Variants in NUF2 observed in about 807,000 individuals in gnomAD.
The protein encoded by NUF2 is NUF2 component of NDC80 kinetochore complex, also known as kinetochore protein Nuf2.
Under a neutral mutation model 61.8 loss-of-function variants are expected in NUF2, and 34 were observed. The ratio of observed to expected loss-of-function variants is 0.55; its 90% CI spans 0.42 to 0.73. The LOEUF is 0.73. Among genes scored for constraint, NUF2 ranks in the 30% least tolerant of loss-of-function variants. NUF2 has a pLI of 0.00. For synonymous variants in NUF2, 172 were observed against 181.6 expected, an observed-to-expected ratio of 0.95 and a Z score of 0.42; for missense variants, 445 against 539.1, an observed-to-expected ratio of 0.83 and a Z score of 1.73.
rs578049248 is a variant in NUF2, at chr1:163,345,756, T to C, written c.886T>C (p.Tyr296His). 4.3e-6 allele frequency: 7 copies of C among 1,610,306 alleles called. No homozygotes were observed. The Admixed American group carries it at 1.0e-4, about 23-fold the overall frequency. ...LPSCQLEVQL[Y>H]QKKIQDLSDN... ...TTCATGTCAGTTGGAAGTGCAGTTA[T>C]ATCAAAAGAAAATACAGGACCTTTC... is the stretch of plus-strand genomic sequence containing the variant. Residue 296 changes from tyrosine to histidine, a missense_variant, in exon 11 of 14, where the codon TAT (tyrosine) becomes CAT (histidine). Coordinates refer to ENST00000271452, the MANE Select transcript of NUF2 (RefSeq NM_145697.3).
intron 10 of NUF2, among the ~76,000 whole-genome samples, chr1:163,345,290 A>G (rs1477734342): frequency 6.6e-6 from 1 of 152,126 alleles, no homozygotes; most frequent in Non-Finnish European, 1.5e-5. Context: ...AGAATTAGCT[A>G]TAGTAGTCGT....
intron 5 of NUF2, among the ~76,000 whole-genome samples, chr1:163,329,124 T>C (rs1650521777): frequency 6.6e-6 from 1 of 152,134 alleles, no homozygotes; most frequent in African/African-American, 2.4e-5. Flanking sequence ...CTGATGTTTT[T>C]TTAAAACTCC....
intron 13 of NUF2, among the ~76,000 whole-genome samples, chr1:163,350,244 G>A (rs1325054554): frequency 2.0e-5 from 3 of 151,620 alleles, no homozygotes; most frequent in African/African-American, 7.3e-5. Context: ...AGAGCTTGCA[G>A]TGAGCTGAGA....
In NUF2 at chr1:163,344,382, G is replaced by T. The variant is rs1341504019; in HGVS notation, c.807+512G>T. On this transcript the variant is annotated intron_variant, in intron 10 of 13. Transcript: ENST00000271452. ...AGTGCTTTGAAATAATGTAATAAGG[G>T]GAGCCCAGTTTAGTATTGGGCTGGA... Among the ~76,000 whole-genome samples, 5 of 151,778 alleles carry T rather than the reference G, an allele frequency of 3.3e-5. 1 individual carries two copies. The highest frequency in any genetic ancestry group is 1.2e-4 in the African/African-American group (5 of 41,328).
At chr1:163,324,412 A>C (rs1471158217) in intron 1 of NUF2, among the ~76,000 whole-genome samples, 2 of 152,236 alleles carry the variant, frequency 1.3e-5, no homozygotes, top group Admixed American at 6.5e-5. Context: ...CACATGTTCA[A>C]GTTGAATTGG....
At chr1:163,344,184 C>T (rs1422674412) in intron 10 of NUF2, among the ~76,000 whole-genome samples, 1 of 151,998 alleles carries the variant, frequency 6.6e-6, no homozygotes, top group Non-Finnish European at 1.5e-5. Context: ...ATTTTACAAA[C>T]AATTGTAATT....
intron 9 of NUF2, among the ~76,000 whole-genome samples, 189 bp from the exon 10 acceptor site, chr1:163,343,544 C>T (rs1651017142): frequency 6.6e-6 from 1 of 152,178 alleles, no homozygotes. Context: ...CTTTGAATGT[C>T]CTGCTAAGGA....
At chr1:163,340,564 A>G (rs905932582) in intron 9 of NUF2, 138 bp downstream of exon 9, 1 of 578,854 alleles carries the variant, frequency 1.7e-6, no homozygotes, top group Non-Finnish European at 3.0e-6. Flanking sequence ...CAACTTAAAT[A>G]TAATAGATGA....
At position 163,322,026 on chromosome 1, in the gene NUF2, C is replaced by T. The variant is rs1650237892; in HGVS notation, c.-207C>T. ...ATTTTTGACTTTGCTTGTAGCTGCT[C>T]CCCGAACTCGCCGTCTTCCTGTCGG... is the stretch of plus-strand genomic sequence containing the variant. On this transcript the variant is annotated 5_prime_UTR_variant, in exon 1 of 14. Coordinates refer to ENST00000271452, the MANE Select transcript of NUF2 (RefSeq NM_145697.3). 6.6e-6 allele frequency: 1 copy of T among 152,244 alleles called. No individual in the cohort carries two copies. The highest frequency in any genetic ancestry group is 1.5e-5 in the Non-Finnish European group (1 of 68,118). 9.4% of individuals were successfully genotyped at this position (152,244 alleles called of 1,614,324 possible).
chr1:163,323,398 G>A (rs1650303726), intron 1 of NUF2, among the ~76,000 whole-genome samples: 1 of 152,150 alleles, frequency 6.6e-6, no homozygotes, highest in South Asian at 2.1e-4. Flanking sequence ...TCTAATATGT[G>A]ATGCATCAGA....
At chr1:163,326,974 G>C (rs1650438310) in intron 2 of NUF2, among the ~76,000 whole-genome samples, 1 of 152,118 alleles carries the variant, frequency 6.6e-6, no homozygotes, top group Non-Finnish European at 1.5e-5. Context: ...TGCTGTTTTA[G>C]AAGATCCGGT....
At position 163,338,050 on chromosome 1, in the gene NUF2, A is replaced by G; in HGVS notation, c.466A>G (p.Asn156Asp). 1 of 1,613,228 alleles carries G rather than the reference A, an allele frequency of 6.2e-7. No individual in the cohort carries two copies. Among genetic ancestry groups the G allele is most frequent in the Non-Finnish European group, 8.5e-7 (1 of 1,179,282 alleles). The change falls in exon 7 of 14, where the codon AAC becomes GAC. Residue 156 changes from asparagine (N) to aspartate (D), a missense_variant. Coordinates refer to ENST00000271452, the MANE Select transcript of NUF2 (RefSeq NM_145697.3). ...KSSADKMQQL[N>D]AAHQEALMKL... ...CTCTGCGGACAAAATGCAACAGTTAAACGCCGCACACCAGGAGGCATTAAT... is the reference window on the plus strand; with the variant it reads ...CTCTGCGGACAAAATGCAACAGTTAGACGCCGCACACCAGGAGGCATTAAT...
At chr1:163,341,827 A>C (rs1406042906) in intron 9 of NUF2, among the ~76,000 whole-genome samples, 1 of 151,890 alleles carries the variant, frequency 6.6e-6, no homozygotes, top group African/African-American at 2.4e-5. Flanking sequence ...ATGGGGTTTT[A>C]CCATGTTGGC....
chr1:163,339,541 T>A (rs1261328034), intron 8 of NUF2, 64 bp downstream of exon 8: 6 of 918,284 alleles, frequency 6.5e-6, no homozygotes, highest in Non-Finnish European at 1.1e-5. Flanking sequence ...TGGTGGGACA[T>A]ATAGTGGAGG....
At chr1:163,342,836 CAT>C (rs1372312115) in intron 9 of NUF2, among the ~76,000 whole-genome samples, 1 of 152,106 alleles carries the variant, frequency 6.6e-6, no homozygotes. Context: ...GGCACATAAT[CAT>C]GTGTCACTGT....
chr1:163,331,137 T>C (rs1650586423), intron 5 of NUF2, among the ~76,000 whole-genome samples: 1 of 151,762 alleles, frequency 6.6e-6, no homozygotes, highest in East Asian at 1.9e-4. Context: ...GGGAAACCAT[T>C]TAGTCTTTCA....
intron 13 of NUF2, among the ~76,000 whole-genome samples, chr1:163,354,484 A>G (rs190609988): frequency 1.3e-5 from 2 of 152,262 alleles, no homozygotes; most frequent in East Asian, 3.9e-4. Flanking sequence ...ATCAGATCGT[A>G]TCTCTGCTAG....
At chr1:163,331,330 C>T (rs1180374826) in intron 5 of NUF2, among the ~76,000 whole-genome samples, 3 of 151,774 alleles carry the variant, frequency 2.0e-5, no homozygotes, top group African/African-American at 7.3e-5. Flanking sequence ...TTTTGAATAT[C>T]AAGCCAACCT....
chr1:163,343,966 T>G, intron 10 of NUF2, 96 bp downstream of exon 10: 1 of 657,842 alleles, frequency 1.5e-6, no homozygotes, highest in South Asian at 5.0e-5. Context: ...TTCTGAATTA[T>G]CTATACTTCT....
Sources: allele counts gnomAD v4.1 joint callset (sites outside exome capture counted in the v4.1 genomes callset), GRCh38; gene constraint gnomAD v4.1.1; transcripts MANE v1.5; gene names NCBI Gene and HGNC (gene_info 2026-07-23, HGNC 2026-07-21).